TAS2R1: variants seen among roughly 807,000 people sequenced by gnomAD.
TAS2R1 encodes taste 2 receptor member 1.
For missense variants in TAS2R1, 370 were observed against 353.4 expected (o/e 1.05, Z -0.38); for synonymous variants, 141 against 134.2 (o/e 1.05, Z -0.35).
the TAS2R1 span, among the ~76,000 whole-genome samples, chr5:9,879,258 C>A: frequency 9.2e-5 from 14 of 152,318 alleles, no homozygotes; most frequent in African/African-American, 3.1e-4. Flanking sequence ...TGGGATGAAC[C>A]ATATTGGAGC....
At chr5:9,824,977 A>G in the TAS2R1 span, among the ~76,000 whole-genome samples, 1 of 152,192 alleles carries the variant, frequency 6.6e-6, no homozygotes, top group African/African-American at 2.4e-5. Flanking sequence ...AGACCCTTGC[A>G]CTGTAAGATA....
At chr5:9,669,841 G>A (rs1740713916) in intron 1 of TAS2R1, among the ~76,000 whole-genome samples, 1 of 151,970 alleles carries the variant, frequency 6.6e-6, no homozygotes, top group South Asian at 2.1e-4. Flanking sequence ...TAACATCACA[G>A]CTAGAGGGAC....
At chr5:9,782,476 G>A in the TAS2R1 span, among the ~76,000 whole-genome samples, 1 of 152,156 alleles carries the variant, frequency 6.6e-6, no homozygotes, top group African/African-American at 2.4e-5. Flanking sequence ...CGGGGCTGGG[G>A]GGGTCCCACC....
the TAS2R1 span, among the ~76,000 whole-genome samples, chr5:9,784,728 C>T: frequency 6.6e-6 from 1 of 152,180 alleles, no homozygotes; most frequent in East Asian, 1.9e-4. Context: ...TGCATCTTCC[C>T]AGCATCAGTG....
At chr5:9,843,762 G>A in the TAS2R1 span, among the ~76,000 whole-genome samples, 1 of 152,176 alleles carries the variant, frequency 6.6e-6, no homozygotes, top group African/African-American at 2.4e-5. Flanking sequence ...AGGAATCCAA[G>A]CACAGTTTAG....
the TAS2R1 span, among the ~76,000 whole-genome samples, chr5:9,871,630 C>T: frequency 6.6e-6 from 1 of 152,148 alleles, no homozygotes; most frequent in Non-Finnish European, 1.5e-5. Flanking sequence ...AGGAATTTTA[C>T]CCCAGATTTT....
chr5:9,750,308 G>C, the TAS2R1 span, among the ~76,000 whole-genome samples: 3 of 152,064 alleles, frequency 2.0e-5, no homozygotes, highest in African/African-American at 4.8e-5. Flanking sequence ...CCTCCCCAGA[G>C]TACACCACCA....
the TAS2R1 span, among the ~76,000 whole-genome samples, chr5:9,873,966 G>A: frequency 1.3e-5 from 2 of 149,524 alleles, no homozygotes; most frequent in Non-Finnish European, 3.0e-5. Context: ...AAAAGAGAGA[G>A]AGAGAGAGAG....
At chr5:9,699,006 A>G (rs74973987) in intron 1 of TAS2R1, among the ~76,000 whole-genome samples, 1 of 152,202 alleles carries the variant, frequency 6.6e-6, no homozygotes, top group African/African-American at 2.4e-5. Flanking sequence ...TAAAGGAGAC[A>G]CTTCTTGAGA....
chr5:9,750,615 T>C, the TAS2R1 span, among the ~76,000 whole-genome samples: 1 of 152,182 alleles, frequency 6.6e-6, no homozygotes, highest in African/African-American at 2.4e-5. Flanking sequence ...ATGATAATTA[T>C]AGAGAAGCAG....
chr5:9,807,794 T>C, the TAS2R1 span, among the ~76,000 whole-genome samples: 16 of 152,048 alleles, frequency 1.1e-4, no homozygotes, highest in South Asian at 2.1e-4. Flanking sequence ...GATAAAAGAA[T>C]AGACATTGCA....
At chr5:9,723,941 C>T in the TAS2R1 span, among the ~76,000 whole-genome samples, 1 of 152,198 alleles carries the variant, frequency 6.6e-6, no homozygotes, top group Admixed American at 6.5e-5. Context: ...CCTCATTGTT[C>T]CTTTGGGATG....
upstream of TAS2R1, among the ~76,000 whole-genome samples, chr5:9,714,766 C>T (rs1164025554): frequency 1.3e-5 from 2 of 152,220 alleles, no homozygotes; most frequent in Non-Finnish European, 2.9e-5. Context: ...AAGGAAAGTG[C>T]TGAACACATT....
the TAS2R1 span, among the ~76,000 whole-genome samples, chr5:9,764,903 A>G: frequency 2.6e-5 from 4 of 152,258 alleles, no homozygotes; most frequent in African/African-American, 9.6e-5. Context: ...GAAGAGTTAA[A>G]TAAATCATCA....
chr5:9,866,899 C>G, the TAS2R1 span, among the ~76,000 whole-genome samples: 486 of 152,268 alleles, frequency 3.2e-3, 3 homozygotes, highest in African/African-American at 0.011. Context: ...CTCTTTGAAG[C>G]CTTCAAATAT....
In TAS2R1 at chr5:9,630,000, A is replaced by C; in HGVS notation, c.33T>G (p.Leu11=). 6.3e-7 allele frequency: 1 copy of C among 1,586,864 alleles called. No homozygotes were observed. The highest frequency in any genetic ancestry group is 8.5e-7 in the Non-Finnish European group (1 of 1,170,510). The part of the protein sequence containing the change: MLESHLIIYF[L]LAVIQFLLGI... ...CAAGAAGAAATTGTATCACTGCAAG[A>C]AGAAAATAGATAATGAGGTGAGACT... The change falls in exon 1 of 1, where the codon CTT becomes CTG. Residue 11 remains leucine (L), a synonymous_variant. Coordinates refer to ENST00000382492, the MANE Select transcript of TAS2R1 (RefSeq NM_019599.3).
intron 1 of TAS2R1, among the ~76,000 whole-genome samples, chr5:9,700,902 C>A (rs949744695): frequency 1.3e-5 from 2 of 152,114 alleles, no homozygotes; most frequent in East Asian, 3.9e-4. Context: ...TCTTTAAAGA[C>A]CCTGTTTCCA....
intron 2 of TAS2R1, among the ~76,000 whole-genome samples, chr5:9,637,524 C>G (rs1306639914): frequency 2.0e-5 from 3 of 152,122 alleles, no homozygotes; most frequent in Non-Finnish European, 2.9e-5. Context: ...AAACAATTTT[C>G]CAAACTTTCA....
chr5:9,719,399 A>C, the TAS2R1 span, among the ~76,000 whole-genome samples: 1 of 152,224 alleles, frequency 6.6e-6, no homozygotes, highest in Non-Finnish European at 1.5e-5. Context: ...TTGTTTTAAC[A>C]AAAAACCTAG....
Sources: gnomAD v4.1 joint callset for allele counts (sites outside exome capture counted in the v4.1 genomes callset) on GRCh38, gnomAD v4.1.1 for gene constraint, MANE v1.5 for transcripts, NCBI Gene and HGNC (gene_info 2026-07-23, HGNC 2026-07-21) for gene names.